PTPRK: variants seen among roughly 807,000 people sequenced by gnomAD.
PTPRK encodes receptor-type tyrosine-protein phosphatase kappa.
Under a neutral mutation model 178.0 loss-of-function variants are expected in PTPRK, and 75 were observed. The ratio of observed to expected loss-of-function variants is 0.42; its 90% confidence interval spans 0.35 to 0.51. The LOEUF is 0.51. Among genes scored for constraint, PTPRK ranks in the 20% least tolerant of loss-of-function variants. The pLI is 0.02. For missense variants in PTPRK, 1,441 were observed against 1,797.8 expected (o/e 0.80, Z 3.59); for synonymous variants, 637 against 620.6 (o/e 1.03, Z -0.39).
intron 1 of PTPRK, among the ~76,000 whole-genome samples, chr6:128,456,667 A>AC (rs1848434586): frequency 6.6e-6 from 1 of 152,118 alleles, no homozygotes; most frequent in Non-Finnish European, 1.5e-5. Context: ...TTATTTATAT[A>AC]CATTACTAAA....
chr6:128,221,960 T>C (rs1009255821), intron 5 of PTPRK, among the ~76,000 whole-genome samples: 1 of 152,148 alleles, frequency 6.6e-6, no homozygotes, highest in Non-Finnish European at 1.5e-5. Context: ...TCTTCCTAAT[T>C]GGAAGGCCCA....
At chr6:128,088,448 G>A (rs1195743585) in intron 8 of PTPRK, among the ~76,000 whole-genome samples, 2 of 151,892 alleles carry the variant, frequency 1.3e-5, no homozygotes, top group African/African-American at 4.8e-5. Flanking sequence ...GTTTAGAAGG[G>A]GGTGGAACCT....
intron 13 of PTPRK, among the ~76,000 whole-genome samples, chr6:128,029,681 A>C (rs774096958): frequency 5.2e-4 from 75 of 145,240 alleles, no homozygotes; most frequent in Non-Finnish European, 8.7e-4. Context: ...TAATAATAAT[A>C]ATAATAATCC....
At chr6:128,309,890 A>C (rs975253312) in intron 3 of PTPRK, among the ~76,000 whole-genome samples, 2 of 152,116 alleles carry the variant, frequency 1.3e-5, no homozygotes, top group Admixed American at 1.3e-4. Context: ...GGTTTAAGTA[A>C]TCTCCCTTAT....
At chr6:128,263,866 A>G (rs1250071066) in intron 3 of PTPRK, among the ~76,000 whole-genome samples, 1 of 152,032 alleles carries the variant, frequency 6.6e-6, no homozygotes, top group East Asian at 1.9e-4. Context: ...TGGCACTGGG[A>G]CTCTAAGGGC....
intron 3 of PTPRK, among the ~76,000 whole-genome samples, chr6:128,291,995 A>G (rs1207990025): frequency 1.3e-5 from 2 of 152,158 alleles, no homozygotes; most frequent in East Asian, 3.8e-4. Flanking sequence ...ATATATCATG[A>G]AAGAGAAATA....
At chr6:128,494,674 C>T (rs1223816915) in intron 1 of PTPRK, among the ~76,000 whole-genome samples, 1 of 152,200 alleles carries the variant, frequency 6.6e-6, no homozygotes, top group East Asian at 1.9e-4. Flanking sequence ...AATATTACAA[C>T]ACTTCAATGG....
At chr6:128,473,996 G>A (rs1479572953) in intron 1 of PTPRK, among the ~76,000 whole-genome samples, 4 of 151,904 alleles carry the variant, frequency 2.6e-5, no homozygotes, top group South Asian at 4.2e-4. Flanking sequence ...GTAACCTAAC[G>A]GGCCACAGAT....
chr6:128,129,262 T>C (rs1336058202), intron 7 of PTPRK, among the ~76,000 whole-genome samples: 3 of 152,224 alleles, frequency 2.0e-5, no homozygotes, highest in Non-Finnish European at 4.4e-5. Context: ...GTAGGCCATC[T>C]CATCACTGCT....
chr6:128,412,655 C>G (rs886198241), intron 1 of PTPRK, among the ~76,000 whole-genome samples: 3 of 152,188 alleles, frequency 2.0e-5, no homozygotes, highest in Non-Finnish European at 4.4e-5. Context: ...GGAAAGATCT[C>G]TGCAGAAAGA....
chr6:128,013,320 T>C lies in PTPRK; in HGVS notation c.2195-4052A>G, dbSNP rs929455354. ...CATACTTTCTGGCTTGGTGATCTTA[T>C]CCATTTTCATCTCTTTAGTTACCAT... On this transcript the variant is annotated intron_variant, in intron 13 of 29. Coordinates refer to ENST00000368226, the MANE Select transcript of PTPRK (RefSeq NM_002844.4). 1.3e-4 allele frequency among the ~76,000 whole-genome samples: 19 copies of C among 151,532 alleles called. 5 individuals carry two copies. The highest frequency in any genetic ancestry group is 1.2e-3 in the Admixed American group (18 of 15,154).
chr6:127,997,043 G>A, intron 16 of PTPRK, 55 bp from the exon 17 acceptor site: 2 of 1,552,586 alleles, frequency 1.3e-6, no homozygotes, highest in Non-Finnish European at 1.8e-6. Context: ...TAAAAATCAG[G>A]TTTATCTGTT....
At chr6:128,350,848 C>A (rs949168458) in intron 2 of PTPRK, among the ~76,000 whole-genome samples, 6 of 152,150 alleles carry the variant, frequency 3.9e-5, no homozygotes, top group Non-Finnish European at 7.4e-5. Context: ...TCCTTTAGAG[C>A]CACTAAATTG....
At chr6:128,350,708 C>A (rs113795133) in intron 2 of PTPRK, among the ~76,000 whole-genome samples, 1 of 152,168 alleles carries the variant, frequency 6.6e-6, no homozygotes, top group African/African-American at 2.4e-5. Flanking sequence ...TGGGCCTATA[C>A]GTCCATGAGG....
chr6:128,067,686 C>G lies in PTPRK; in HGVS notation c.1990G>C (p.Gly664Arg), dbSNP rs753570615. 1 of 1,613,800 alleles carries G rather than the reference C, an allele frequency of 6.2e-7. No homozygotes were observed. The highest frequency in any genetic ancestry group is 1.1e-5 in the South Asian group (1 of 91,050). Residue 664 changes from glycine (G) to arginine (R), a missense_variant, in exon 12 of 30, where the codon GGG becomes CGG. Physicochemically the swap from Gly to Arg is moderately radical, Grantham distance 125 (BLOSUM62 -2). Around this residue, in one of 4 missense-constraint regions of PTPRK, gnomAD observed 945 missense variants for 1,080.6 expected, o/e 0.87. Transcript: ENST00000368226. ...GCAGCAAAGTAATACGGTGCACCCC[C>G]ACTCATGGCATTTTGGTATGTGACA... ...VPVTYQNAMS[G>R]GAPYYFAAEL...
At chr6:128,488,328 T>C (rs1853267145) in intron 1 of PTPRK, among the ~76,000 whole-genome samples, 3 of 152,192 alleles carry the variant, frequency 2.0e-5, no homozygotes, top group Admixed American at 6.5e-5. Context: ...CACCCAGACA[T>C]AGGGTCTGCC....
chr6:128,265,257 T>G (rs1474130699), intron 3 of PTPRK, among the ~76,000 whole-genome samples: 1 of 152,152 alleles, frequency 6.6e-6, no homozygotes, highest in African/African-American at 2.4e-5. Flanking sequence ...AAAAGCTACA[T>G]GATTTAGGAC....
intron 25 of PTPRK, 113 bp from the exon 26 acceptor site, chr6:127,977,167 A>G (rs1774700291): frequency 9.6e-7 from 1 of 1,037,202 alleles, no homozygotes; most frequent in African/African-American, 1.6e-5. Context: ...ATAGCTTCAT[A>G]TGCAGAAGGA....
At chr6:128,280,483 G>A (rs1260840247) in intron 3 of PTPRK, among the ~76,000 whole-genome samples, 1 of 152,132 alleles carries the variant, frequency 6.6e-6, no homozygotes, top group Non-Finnish European at 1.5e-5. Flanking sequence ...AAGCTTCAAA[G>A]GTAACTTGCA....
Sources: gnomAD v4.1 joint callset for allele counts (sites outside exome capture counted in the v4.1 genomes callset) on GRCh38, gnomAD v4.1.1 for gene constraint, gnomAD v4.1.1 regional missense constraint, MANE v1.5 for transcripts, NCBI Gene and HGNC (gene_info 2026-07-23, HGNC 2026-07-21) for gene names.